Variants in MDGA2 observed in about 807,000 individuals in gnomAD.
MDGA2 encodes MAM domain containing glycosylphosphatidylinositol anchor 2.
Under a neutral mutation model 117.8 loss-of-function variants are expected in MDGA2, and 40 were observed. The ratio of observed to expected loss-of-function variants is 0.34; its 90% CI spans 0.26 to 0.44. The LOEUF (loss-of-function observed/expected upper bound fraction) is 0.44, where lower values mean the gene tolerates loss of function less well. MDGA2 is among the 20% of genes least tolerant of loss of function. The pLI is 1.00. For synonymous variants in MDGA2, 452 were observed against 439.0 expected (o/e 1.03, Z -0.37); for missense variants, 1,123 against 1,250.6 (o/e 0.90, Z 1.54).
At chr14:47,154,722 CAG>C (rs1461422527) in intron 3 of MDGA2, among the ~76,000 whole-genome samples, 2 of 152,200 alleles carry the variant, frequency 1.3e-5, no homozygotes, top group African/African-American at 2.4e-5. Flanking sequence ...ACAAGTACAG[CAG>C]AGAGGCCAAG....
intron 3 of MDGA2, among the ~76,000 whole-genome samples, chr14:47,202,295 A>G (rs570480826): frequency 6.6e-6 from 1 of 152,256 alleles, no homozygotes; most frequent in Non-Finnish European, 1.5e-5. Context: ...CCTTTGATAA[A>G]GAGCCAGGGA....
At chr14:47,450,910 C>G (rs1055978924) in intron 1 of MDGA2, among the ~76,000 whole-genome samples, 1 of 152,102 alleles carries the variant, frequency 6.6e-6, no homozygotes. Context: ...TTAGCTGAGG[C>G]ACTATTAAAT....
chr14:47,043,172 CA>C (rs756606677), intron 7 of MDGA2, among the ~76,000 whole-genome samples: 2 of 151,626 alleles, frequency 1.3e-5, no homozygotes, highest in African/African-American at 2.4e-5. Flanking sequence ...TTCAGGATGA[CA>C]AAAAAAATCC....
intron 1 of MDGA2, among the ~76,000 whole-genome samples, chr14:47,533,285 G>A (rs1895138536): frequency 6.6e-6 from 1 of 152,166 alleles, no homozygotes; most frequent in Non-Finnish European, 1.5e-5. Flanking sequence ...GCGCCAATTA[G>A]ATTACAAACT....
intron 3 of MDGA2, among the ~76,000 whole-genome samples, chr14:47,154,665 C>T (rs1212611170): frequency 6.6e-6 from 1 of 152,194 alleles, no homozygotes; most frequent in African/African-American, 2.4e-5. Context: ...TCGGTACTGA[C>T]ACACCAGCCT....
intron 8 of MDGA2, among the ~76,000 whole-genome samples, chr14:47,030,016 T>A (rs571759489): frequency 6.6e-6 from 1 of 151,870 alleles, no homozygotes; most frequent in East Asian, 2.0e-4. Context: ...TTAATAGAGT[T>A]GGGGTTTCAC....
At chr14:47,666,992 C>T (rs770122463) in intron 1 of MDGA2, among the ~76,000 whole-genome samples, 4 of 152,150 alleles carry the variant, frequency 2.6e-5, no homozygotes, top group Non-Finnish European at 5.9e-5. Context: ...ACTCCGAACA[C>T]ATCCAAACAT....
chr14:47,022,566 A>G (rs1302314077), intron 8 of MDGA2, among the ~76,000 whole-genome samples: 1 of 152,234 alleles, frequency 6.6e-6, no homozygotes, highest in East Asian at 1.9e-4. Context: ...TCCGTATATT[A>G]GGAGTTGAAG....
intron 8 of MDGA2, 37 bp downstream of exon 8, chr14:47,034,974 T>C (rs945194560): frequency 1.3e-6 from 2 of 1,561,864 alleles, no homozygotes; most frequent in African/African-American, 1.4e-5. Context: ...TCTTCCCTTG[T>C]CCCCATATGG....
intron 9 of MDGA2, among the ~76,000 whole-genome samples, chr14:46,923,546 G>A (rs1279052765): frequency 6.6e-6 from 1 of 151,852 alleles, no homozygotes; most frequent in Non-Finnish European, 1.5e-5. Flanking sequence ...GTTTTTAGAT[G>A]GTGCATAAAT....
At chr14:46,986,129 C>T (rs12435836) in intron 8 of MDGA2, among the ~76,000 whole-genome samples, 11,759 of 151,772 alleles carry the variant, frequency 0.077, 756 homozygotes, top group Admixed American at 0.19. Context: ...TAGTATACTA[C>T]AGTGCTCACA....
chr14:47,428,327 C>T (rs561487923), intron 1 of MDGA2, among the ~76,000 whole-genome samples: 3 of 152,182 alleles, frequency 2.0e-5, no homozygotes, highest in African/African-American at 4.8e-5. Flanking sequence ...GCAATTGTTG[C>T]TGTGGCTTGC....
At chr14:46,882,797 A>G (rs1259257031) in intron 10 of MDGA2, among the ~76,000 whole-genome samples, 2 of 151,914 alleles carry the variant, frequency 1.3e-5, no homozygotes, top group African/African-American at 2.4e-5. Flanking sequence ...GAAGGCTGGA[A>G]AGGGGCACTC....
At chr14:47,540,371 A>C (rs1387656909) in intron 1 of MDGA2, among the ~76,000 whole-genome samples, 1 of 151,616 alleles carries the variant, frequency 6.6e-6, no homozygotes, top group East Asian at 2.0e-4. Context: ...TTTCCTAACT[A>C]TCCTATTTAA....
rs1430769037 is a variant in MDGA2 at position 46,874,087 on chromosome 14, G to A, written c.2551C>T (p.Pro851Ser). Reference sequence around the variant, plus strand: ...CGGTCAGCATTAGGTCCTGTATTAGGAGTATATTTTGTATTTCTTGTTGCT... The same window carrying A: ...CGGTCAGCATTAGGTCCTGTATTAGAAGTATATTTTGTATTTCTTGTTGCT... Reference protein sequence around the residue: ...STATRNTKYTPNTGPNADRSG... With the variant: ...STATRNTKYTSNTGPNADRSG... The change falls in exon 13 of 17, where the codon CCT (proline) becomes TCT (serine). Residue 851 changes from proline to serine, a missense_variant. Pro to Ser is a moderately conservative substitution (Grantham distance 74, BLOSUM62 -1). This residue lies in a region of MDGA2 where 890 missense variants were observed against 1,050.3 expected (regional missense o/e 0.85). Coordinates refer to ENST00000399232, the MANE Select transcript of MDGA2 (RefSeq NM_001113498.3). The A allele has an allele frequency of 3.8e-6, 6 of 1,560,032 alleles. No homozygotes were observed. In the Admixed American group the frequency reaches 1.1e-4, roughly 30 times the overall value.
At chr14:47,667,294 C>A (rs1288794608) in intron 1 of MDGA2, among the ~76,000 whole-genome samples, 1 of 152,152 alleles carries the variant, frequency 6.6e-6, no homozygotes, top group Non-Finnish European at 1.5e-5. Flanking sequence ...AGCAGTCCAG[C>A]ACAGGTGAGG....
intron 1 of MDGA2, among the ~76,000 whole-genome samples, chr14:47,577,811 T>C (rs1938883035): frequency 6.6e-6 from 1 of 152,200 alleles, no homozygotes; most frequent in Non-Finnish European, 1.5e-5. Flanking sequence ...AATGCTTTAA[T>C]TCTGTTGGTA....
At chr14:46,871,815 C>T (rs1352416430) in intron 14 of MDGA2, 1 of 285,464 alleles carries the variant, frequency 3.5e-6, no homozygotes, top group Non-Finnish European at 7.8e-6. Context: ...AGTTCCTGCC[C>T]AGGTCTCCTG....
At chr14:47,157,244 T>C (rs779236577) in intron 3 of MDGA2, among the ~76,000 whole-genome samples, 13 of 152,212 alleles carry the variant, frequency 8.5e-5, no homozygotes, top group Non-Finnish European at 1.3e-4. Flanking sequence ...AATGAATACT[T>C]ACAGCCAACT....
Sources: allele counts gnomAD v4.1 joint callset (sites outside exome capture counted in the v4.1 genomes callset), GRCh38; gene constraint gnomAD v4.1.1; regional missense constraint gnomAD v4.1.1; transcripts MANE v1.5; gene names NCBI Gene and HGNC (gene_info 2026-07-23, HGNC 2026-07-21).